PHACTR2: variants seen among roughly 807,000 people sequenced by gnomAD.
PHACTR2 encodes the protein chromosome 6 open reading frame 56.
A neutral mutation model predicts 76.0 loss-of-function variants in PHACTR2; 30 were observed. The ratio of observed to expected loss-of-function variants is 0.39; its 90% confidence interval spans 0.30 to 0.54. The LOEUF (loss-of-function observed/expected upper bound fraction) is 0.54, where lower values mean the gene tolerates loss of function less well. Ranked by LOEUF, PHACTR2 falls within the 20% of genes least tolerant of loss-of-function variation. The pLI, the probability that PHACTR2 is intolerant of heterozygous loss-of-function variation, is 0.61. For missense variants in PHACTR2, 696 were observed against 781.1 expected, an observed-to-expected ratio of 0.89 and a Z score of 1.30; for synonymous variants, 292 against 292.5, an observed-to-expected ratio of 1.00 and a Z score of 0.02.
chr6:143,784,396 T>C lies in PHACTR2; in HGVS notation c.1707+1116T>C, dbSNP rs1775503204. Among the ~76,000 whole-genome samples, 1 of 152,216 alleles carries C rather than the reference T, an allele frequency of 6.6e-6. No individual in the cohort carries two copies. The highest frequency in any genetic ancestry group is 2.4e-5 in the African/African-American group (1 of 41,462). ...AGCACCATCAGAGTTTATATTTCAT[T>C]ATAAATCCTTCTAATCATTCTTCAG... On this transcript the variant is annotated intron_variant, in intron 10 of 12. Coordinates refer to ENST00000440869, the MANE Select transcript of PHACTR2 (RefSeq NM_001100164.2). The surrounding 1 kb of genome is among the most constrained non-coding windows in gnomAD (Gnocchi z 4.5).
rs559056202 is a variant in PHACTR2, at chr6:143,826,560, G to A, written c.*2871G>A. ...CCAGGCAGGAAAGAACTAGACAGAT[G>A]TAGAAACCAAAGTGACCATTTTAGT... On this transcript the variant is annotated 3_prime_UTR_variant, in exon 13 of 13. Transcript: ENST00000440869. The A allele has an allele frequency of 2.0e-5, 3 of 148,114 alleles. No individual in the cohort carries two copies. Among genetic ancestry groups the A allele is most frequent in the Non-Finnish European group, 4.4e-5 (3 of 67,890 alleles). 9.2% of individuals were successfully genotyped at this position (148,114 alleles called of 1,614,324 possible). A position where few individuals can be genotyped will look rare whatever the true frequency, so the allele number is the denominator to read the frequency against.
In PHACTR2 at chr6:143,624,256, G is replaced by A. The variant is rs1302472944; in HGVS notation, c.13+15934G>A. Among the ~76,000 whole-genome samples, 1 of 152,058 alleles carries A rather than the reference G, an allele frequency of 6.6e-6. No individual in the cohort carries two copies. Among genetic ancestry groups the A allele is most frequent in the Admixed American group, 6.6e-5 (1 of 15,256 alleles). On this transcript the variant is annotated intron_variant, in intron 1 of 11. Transcript: ENST00000305766. This position sits in a 1 kb window ranked among gnomAD's most constrained non-coding sequence, Gnocchi z 4.6. ...CGAGTAGCTGGGATTACAGGTGCCT[G>A]CCACCACACCTGACTAATTTTTGTA...
At chr6:143,669,342 T>C (rs1191066918) in intron 1 of PHACTR2, among the ~76,000 whole-genome samples, 1 of 152,210 alleles carries the variant, frequency 6.6e-6, no homozygotes, top group Non-Finnish European at 1.5e-5. Context: ...GAAGAATGTA[T>C]ATTCTGCTGA....
At chr6:143,773,537 A>C (rs1272500987) in intron 7 of PHACTR2, among the ~76,000 whole-genome samples, 1 of 152,086 alleles carries the variant, frequency 6.6e-6, no homozygotes, top group Non-Finnish European at 1.5e-5. Context: ...GAGCAAAAAA[A>C]AAAAAAAACC....
rs1385879725 is a variant in PHACTR2, at chr6:143,608,664, A to T, written c.13+342A>T. Among the ~76,000 whole-genome samples, 3 of 152,230 alleles carry T rather than the reference A, an allele frequency of 2.0e-5. No individual in the cohort carries two copies. Among genetic ancestry groups the T allele is most frequent in the South Asian group, 2.1e-4 (1 of 4,834 alleles). ...AAAACTATTACTAAGGGATGGCACA[A>T]GGTAGATGGAATTAAGTTAATGAGC... On this transcript the variant is annotated intron_variant, in intron 1 of 11. Transcript: ENST00000305766. The surrounding 1 kb of genome is among the most constrained non-coding windows in gnomAD (Gnocchi z 4.6).
intron 1 of PHACTR2, among the ~76,000 whole-genome samples, chr6:143,576,808 C>T (rs9484773): frequency 0.63 from 92,406 of 147,306 alleles, 28,750 homozygotes; most frequent in Middle Eastern, 0.74. Context: ...CCCAGGAGGC[C>T]GAGGTTGCAG....
chr6:143,553,314 A>G lies in PHACTR2; in HGVS notation c.217+16107A>G, dbSNP rs866314088. ...TATTCAGTGTGAACTGAACAACTTCAATTTGTACAGAAGTGACTGTGCATT... is the reference window on the plus strand; with the variant it reads ...TATTCAGTGTGAACTGAACAACTTCGATTTGTACAGAAGTGACTGTGCATT... On this transcript the variant is annotated intron_variant, in intron 1 of 11. Coordinates refer to the PHACTR2 transcript ENST00000367584. This position sits in a 1 kb window ranked among gnomAD's most constrained non-coding sequence, Gnocchi z 4.2. 6.6e-6 allele frequency among the ~76,000 whole-genome samples: 1 copy of G among 152,232 alleles called. No homozygotes were observed. Among genetic ancestry groups the G allele is most frequent in the Non-Finnish European group, 1.5e-5 (1 of 68,020 alleles).
At chr6:143,640,397 T>C (rs1248724693) in intron 1 of PHACTR2, among the ~76,000 whole-genome samples, 1 of 152,124 alleles carries the variant, frequency 6.6e-6, no homozygotes, top group Non-Finnish European at 1.5e-5. Flanking sequence ...CTCAGTCAAA[T>C]AGAATAGAAT....
In PHACTR2 at chr6:143,795,378, C is replaced by T. The variant is rs1775802326; in HGVS notation, c.1845+6468C>T. On this transcript the variant is annotated intron_variant, in intron 11 of 12. Coordinates refer to ENST00000440869, the MANE Select transcript of PHACTR2 (RefSeq NM_001100164.2). This position sits in a 1 kb window ranked among gnomAD's most constrained non-coding sequence, Gnocchi z 4.8. Reference sequence around the variant, plus strand: ...GCAATGAGCTGTGATTGTGCCACTGCACTGCAGCCTGGGCAACAGAATGAG... The same window carrying T: ...GCAATGAGCTGTGATTGTGCCACTGTACTGCAGCCTGGGCAACAGAATGAG... 6.6e-6 allele frequency among the ~76,000 whole-genome samples: 1 copy of T among 152,184 alleles called. No homozygotes were observed. The highest frequency in any genetic ancestry group is 2.4e-5 in the African/African-American group (1 of 41,438).
intron 1 of PHACTR2, among the ~76,000 whole-genome samples, chr6:143,584,436 A>T (rs115881858): frequency 0.012 from 1,843 of 152,296 alleles, 39 homozygotes; most frequent in African/African-American, 0.039. Flanking sequence ...AGGAAAAAAG[A>T]TAAAGAGTGG....
chr6:143,639,241 C>G lies in PHACTR2; in HGVS notation c.13+30919C>G, dbSNP rs1268929508. Reference sequence around the variant, plus strand: ...GCAAAGTACCTGAAGTACAGTCTGTCTTTCCAAAACAAATTAATGGTAAGA... The same window carrying G: ...GCAAAGTACCTGAAGTACAGTCTGTGTTTCCAAAACAAATTAATGGTAAGA... On this transcript the variant is annotated intron_variant, in intron 1 of 11. Coordinates refer to the PHACTR2 transcript ENST00000305766. This position sits in a 1 kb window ranked among gnomAD's most constrained non-coding sequence, Gnocchi z 5.0. 6.6e-6 allele frequency among the ~76,000 whole-genome samples: 1 copy of G among 152,192 alleles called. No individual in the cohort carries two copies. The highest frequency in any genetic ancestry group is 1.9e-4 in the East Asian group (1 of 5,204).
At chr6:143,612,730 T>C (rs1169142371) in intron 1 of PHACTR2, among the ~76,000 whole-genome samples, 1 of 152,236 alleles carries the variant, frequency 6.6e-6, no homozygotes, top group Non-Finnish European at 1.5e-5. Context: ...GGGAATGTAA[T>C]GTTGCTAGCT....
At chr6:143,649,816 C>T (rs548453022) in intron 1 of PHACTR2, among the ~76,000 whole-genome samples, 2 of 152,304 alleles carry the variant, frequency 1.3e-5, no homozygotes, top group African/African-American at 4.8e-5. Flanking sequence ...CACTCCTATT[C>T]AACACAGTAT....
chr6:143,583,032 G>C lies in PHACTR2; in HGVS notation c.217+45825G>C, dbSNP rs190897641. 1.3e-5 allele frequency among the ~76,000 whole-genome samples: 2 copies of C among 152,304 alleles called. No individual in the cohort carries two copies. Among genetic ancestry groups the C allele is most frequent in the Non-Finnish European group, 2.9e-5 (2 of 68,022 alleles). On this transcript the variant is annotated intron_variant, in intron 1 of 11. Coordinates refer to the PHACTR2 transcript ENST00000367584. The surrounding 1 kb of genome is among the most constrained non-coding windows in gnomAD (Gnocchi z 4.0). Reference sequence around the variant, plus strand: ...AATCACCATTCACATACTTTAATTAGAAACATCATAATGAGTCTTTCTATT... The same window carrying C: ...AATCACCATTCACATACTTTAATTACAAACATCATAATGAGTCTTTCTATT...
chr6:143,799,421 C>T (rs1775904916), intron 11 of PHACTR2, among the ~76,000 whole-genome samples: 1 of 152,158 alleles, frequency 6.6e-6, no homozygotes, highest in African/African-American at 2.4e-5. Context: ...TTCTTGCCTT[C>T]TGCTAGCTTT....
rs1391655188 is a variant in PHACTR2 at position 143,807,371 on chromosome 6, T to C, written c.1922+238T>C. Among the ~76,000 whole-genome samples, 1 of 152,236 alleles carries C rather than the reference T, an allele frequency of 6.6e-6. No homozygotes were observed. Among genetic ancestry groups the C allele is most frequent in the Non-Finnish European group, 1.5e-5 (1 of 68,042 alleles). On this transcript the variant is annotated intron_variant, in intron 12 of 12. Transcript: ENST00000440869. This position sits in a 1 kb window ranked among gnomAD's most constrained non-coding sequence, Gnocchi z 5.5. ...ATAGTCAATGTGACAGTTTTAAAGA[T>C]ATGACTAGATAAGATTGTAAATTTC... is the stretch of plus-strand genomic sequence containing the variant.
chr6:143,590,735 A>G (rs1308333122), intron 1 of PHACTR2, among the ~76,000 whole-genome samples: 1 of 152,184 alleles, frequency 6.6e-6, no homozygotes, highest in Non-Finnish European at 1.5e-5. Context: ...CTGAAGATCT[A>G]AGAAAGAAAA....
intron 1 of PHACTR2, among the ~76,000 whole-genome samples, chr6:143,669,618 A>G (rs1562264410): frequency 6.6e-6 from 1 of 151,800 alleles, no homozygotes; most frequent in Admixed American, 6.6e-5. Flanking sequence ...TCCCTTTACC[A>G]TTATGTAATG....
intron 1 of PHACTR2, among the ~76,000 whole-genome samples, chr6:143,637,831 G>A (rs1056586471): frequency 6.6e-6 from 1 of 152,192 alleles, no homozygotes; most frequent in African/African-American, 2.4e-5. Flanking sequence ...ACATCCCTTC[G>A]CCTTTGGCAA....
Sources: allele counts gnomAD v4.1 joint callset (sites outside exome capture counted in the v4.1 genomes callset), GRCh38; gene constraint gnomAD v4.1.1; non-coding constraint Gnocchi (gnomAD v3.1); transcripts MANE v1.5; gene names NCBI Gene and HGNC (gene_info 2026-07-23, HGNC 2026-07-21).